The following PCDHGB3 variants were observed in gnomAD, a reference collection of about 807,000 sequenced individuals.
PCDHGB3 encodes the protein protocadherin gamma subfamily B, 3.
In PCDHGB3, 40 loss-of-function variants were observed where a neutral mutation model predicts 59.2. The ratio of observed to expected loss-of-function variants is 0.68; its 90% CI spans 0.52 to 0.88. The LOEUF (loss-of-function observed/expected upper bound fraction) is 0.88. Among genes scored for constraint, PCDHGB3 ranks in the 40% least tolerant of loss-of-function variants. The pLI is 0.00. For missense variants in PCDHGB3, 1,309 were observed against 1,187.9 expected (o/e 1.10, Z -1.50); for synonymous variants, 581 against 503.6 (o/e 1.15, Z -2.06).
intron 2 of PCDHGB3, among the ~76,000 whole-genome samples, chr5:141,497,212 G>A (rs968445663): frequency 6.6e-6 from 1 of 150,900 alleles, no homozygotes; most frequent in Non-Finnish European, 1.5e-5. Flanking sequence ...AGTGTAATGG[G>A]GGGGGGAAGA....
At chr5:141,400,007 C>T (rs907315450) in intron 1 of PCDHGB3, 30 of 1,612,624 alleles carry the variant, frequency 1.9e-5, no homozygotes, top group Non-Finnish European at 2.5e-5. Flanking sequence ...ACAGCGCGTG[C>T]CTTGGGCGAC....
intron 1 of PCDHGB3, among the ~76,000 whole-genome samples, chr5:141,458,883 C>A (rs1171747288): frequency 6.6e-6 from 1 of 152,136 alleles, no homozygotes; most frequent in East Asian, 1.9e-4. Flanking sequence ...CAGGCATGCA[C>A]ACCATGCGCA....
At chr5:141,415,344 G>A in intron 1 of PCDHGB3, 15 of 1,614,238 alleles carry the variant, frequency 9.3e-6, no homozygotes, top group Non-Finnish European at 1.3e-5. Flanking sequence ...TGCGGCGCTG[G>A]CACAAGTCAC....
rs761149166 is a variant in PCDHGB3 at position 141,510,977 on chromosome 5, G to C, written c.2594G>C (p.Gly865Ala). Residue 865 changes from glycine to alanine, a missense_variant, in exon 4 of 4, where the codon GGG (glycine) becomes GCG (alanine). Coordinates refer to ENST00000576222, the MANE Select transcript of PCDHGB3 (RefSeq NM_018924.5). Reference protein sequence around the residue: ...EAADGSSTLGGGAGTMGLSAR... With the variant: ...EAADGSSTLGAGAGTMGLSAR... ...GCTGATGGGAGCTCCACCCTGGGAG[G>C]GGGTGCCGGCACCATGGGATTGAGC... 9 of 1,614,052 alleles carry C rather than the reference G, an allele frequency of 5.6e-6. No individual in the cohort carries two copies. The Admixed American group carries it at 1.3e-4, about 24-fold the overall frequency.
At position 141,370,551 on chromosome 5, in the gene PCDHGB3, G is replaced by C; in HGVS notation, c.157G>C (p.Asp53His). The C allele has an allele frequency of 8.1e-6, 13 of 1,613,928 alleles. No homozygotes were observed. The highest frequency in any genetic ancestry group is 1.0e-5 in the Non-Finnish European group (12 of 1,179,890). Reference protein sequence around the residue: ...RGSLVGNLAKDLGFGVGDLPT... With the variant: ...RGSLVGNLAKHLGFGVGDLPT... The stretch of plus-strand genomic sequence containing the variant: ...CTCGCTGGTAGGGAACCTCGCCAAG[G>C]ACCTGGGGTTTGGCGTGGGGGATTT... Residue 53 changes from aspartate (D) to histidine (H), a missense_variant, in exon 1 of 4, where the codon GAC becomes CAC. Coordinates refer to ENST00000576222, the MANE Select transcript of PCDHGB3 (RefSeq NM_018924.5).
chr5:141,485,174 A>G lies in PCDHGB3; in HGVS notation c.2416-9633A>G. 6.2e-7 allele frequency: 1 copy of G among 1,611,406 alleles called. No individual in the cohort carries two copies. The highest frequency in any genetic ancestry group is 8.5e-7 in the Non-Finnish European group (1 of 1,177,898). ...AGTAGAGAATTAGCGGGCGGCAGCA[A>G]TGCTCCGCAAGGTGAGAAGCTGGAC... On this transcript the variant is annotated intron_variant, in intron 1 of 3. Coordinates refer to ENST00000576222, the MANE Select transcript of PCDHGB3 (RefSeq NM_018924.5). The surrounding 1 kb of genome is among the most constrained non-coding windows in gnomAD (Gnocchi z 5.7).
intron 1 of PCDHGB3, among the ~76,000 whole-genome samples, chr5:141,480,959 C>A (rs1476891394): frequency 1.3e-5 from 2 of 152,086 alleles, no homozygotes; most frequent in East Asian, 3.8e-4. Flanking sequence ...GCGGAAGCAT[C>A]AGTGAGGGAG....
chr5:141,393,950 T>C (rs1203228447), intron 1 of PCDHGB3: 1 of 1,613,996 alleles, frequency 6.2e-7, no homozygotes, highest in Non-Finnish European at 8.5e-7. Context: ...CTGGAAAGAA[T>C]GGTCAAGTTG....
At chr5:141,421,305 G>A in intron 1 of PCDHGB3, 23 of 1,613,652 alleles carry the variant, frequency 1.4e-5, no homozygotes, top group Non-Finnish European at 1.9e-5. Context: ...CGCTGCGGGG[G>A]TTCCGGGCCA....
chr5:141,405,204 A>G, intron 1 of PCDHGB3: 1 of 1,613,034 alleles, frequency 6.2e-7, no homozygotes. Flanking sequence ...GCTTTCCTAC[A>G]GACCTATTCT....
chr5:141,413,656 G>A, intron 1 of PCDHGB3: 1 of 1,613,872 alleles, frequency 6.2e-7, no homozygotes, highest in Non-Finnish European at 8.5e-7. Flanking sequence ...TCTCCCGGAA[G>A]CTATTGATCC....
rs959855220 is a variant in PCDHGB3, at chr5:141,476,280, G to A, written c.2416-18527G>A. 4 of 1,614,010 alleles carry A rather than the reference G, an allele frequency of 2.5e-6. No individual in the cohort carries two copies. In the African/African-American group the frequency reaches 5.3e-5, roughly 22 times the overall value. On this transcript the variant is annotated intron_variant, in intron 1 of 3. Transcript: ENST00000576222. This position sits in a 1 kb window ranked among gnomAD's most constrained non-coding sequence, Gnocchi z 7.6. ...GTGGGCAACGTGGTCGCGAACCTTG[G>A]TTTGGATCTCGGTAGCCTCTCAGCC...
intron 1 of PCDHGB3, chr5:141,390,387 T>C: frequency 1.4e-6 from 2 of 1,425,596 alleles, no homozygotes; most frequent in Non-Finnish European, 1.9e-6. Flanking sequence ...TTAGATGTCA[T>C]GGATCATTTT....
chr5:141,392,779 T>C (rs757880986), intron 1 of PCDHGB3: 1 of 1,534,720 alleles, frequency 6.5e-7, no homozygotes, highest in African/African-American at 1.4e-5. Context: ...TTATGCACAG[T>C]GAAGATTCTG....
At position 141,422,850 on chromosome 5, in the gene PCDHGB3, G is replaced by A. The variant is rs184432819; in HGVS notation, c.2415+50041G>A. On this transcript the variant is annotated intron_variant, in intron 1 of 3. Transcript: ENST00000576222. Reference sequence around the variant, plus strand: ...TGATAGCACGTGACAGCGGGGACCCGCCCCTCAGCAGCAACGTGTCGCTGA... The same window carrying A: ...TGATAGCACGTGACAGCGGGGACCCACCCCTCAGCAGCAACGTGTCGCTGA... 154 of 1,614,204 alleles carry A rather than the reference G, an allele frequency of 9.5e-5. 1 individual carries two copies. The African/African-American group carries it at 1.3e-3, about 14-fold the overall frequency.
chr5:141,505,803 C>A (rs920849273), intron 3 of PCDHGB3, among the ~76,000 whole-genome samples: 2 of 152,234 alleles, frequency 1.3e-5, no homozygotes, highest in African/African-American at 4.8e-5. Flanking sequence ...GGACTTGGAT[C>A]GACTTGCTCA....
intron 1 of PCDHGB3, among the ~76,000 whole-genome samples, chr5:141,481,194 T>C (rs74538051): frequency 0.017 from 2,576 of 152,298 alleles, 78 homozygotes; most frequent in African/African-American, 0.059. Context: ...CCAGGCCCAA[T>C]TTTTTTAAAA....
intron 1 of PCDHGB3, among the ~76,000 whole-genome samples, chr5:141,425,003 T>C (rs75915888): frequency 0.036 from 5,431 of 152,274 alleles, 181 homozygotes; most frequent in African/African-American, 0.084. Context: ...AGTTTAGTTT[T>C]CTCATTTAGG....
intron 1 of PCDHGB3, among the ~76,000 whole-genome samples, chr5:141,426,008 T>G (rs2096909040): frequency 6.6e-6 from 1 of 152,224 alleles, no homozygotes; most frequent in South Asian, 2.1e-4. Context: ...GGCTTCCGGC[T>G]GCAGTTTTCT....
Sources: gnomAD v4.1 joint callset for allele counts (sites outside exome capture counted in the v4.1 genomes callset) on GRCh38, gnomAD v4.1.1 for gene constraint, Gnocchi (gnomAD v3.1) non-coding constraint, MANE v1.5 for transcripts, NCBI Gene and HGNC (gene_info 2026-07-23, HGNC 2026-07-21) for gene names.